Variants in EGFLAM observed in about 807,000 individuals in gnomAD.
EGFLAM encodes the protein EGF like, fibronectin type III and laminin G domains.
Under a neutral mutation model 113.1 loss-of-function variants are expected in EGFLAM, and 79 were observed. The observed-to-expected ratio is 0.70, with a 90% confidence interval of 0.58 to 0.84. EGFLAM has a LOEUF of 0.84. Among genes scored for constraint, EGFLAM ranks in the 40% least tolerant of loss-of-function variants. The probability of loss-of-function intolerance (pLI) is 0.00; values close to 1 mark genes in which losing one functional copy is unlikely to be tolerated. For missense variants in EGFLAM, 1,265 were observed against 1,291.6 expected, an observed-to-expected ratio of 0.98 and a Z score of 0.32; for synonymous variants, 504 against 487.6, an observed-to-expected ratio of 1.03 and a Z score of -0.44.
At chr5:38,272,842 A>C (rs1757798055) in intron 1 of EGFLAM, among the ~76,000 whole-genome samples, 1 of 152,108 alleles carries the variant, frequency 6.6e-6, no homozygotes, top group South Asian at 2.1e-4. Context: ...AAAATGAACT[A>C]AATTGTTTTG....
At chr5:38,302,774 G>A (rs1000534184) in intron 1 of EGFLAM, among the ~76,000 whole-genome samples, 5 of 150,518 alleles carry the variant, frequency 3.3e-5, no homozygotes, top group African/African-American at 1.2e-4. Flanking sequence ...TAGCTGTAAA[G>A]TAGACCATAT....
At chr5:38,405,976 T>C in intron 6 of EGFLAM, 150 bp from the exon 7 acceptor site, 1 of 682,512 alleles carries the variant, frequency 1.5e-6, no homozygotes, top group Non-Finnish European at 2.6e-6. Flanking sequence ...TTTTGGTCAT[T>C]GACGCTTCCT....
chr5:38,445,819 T>G, intron 17 of EGFLAM: 2 of 1,134,306 alleles, frequency 1.8e-6, no homozygotes, highest in Non-Finnish European at 2.6e-6. Flanking sequence ...CTACGCGTGG[T>G]GGGAAGCCTC....
Position 38,458,238 on chromosome 5 carries a change from G to A in EGFLAM, c.2688-73G>A, listed in dbSNP as rs76334448. On this transcript the variant is annotated intron_variant, in intron 19 of 21. Coordinates refer to ENST00000322350, the MANE Select transcript of EGFLAM (RefSeq NM_152403.4). ...GCAAAGAACTTTTGCCCTGAGAATC[G>A]TCTGTGAACCGTGTCTGCTTATGCC... 5.3e-5 allele frequency: 74 copies of A among 1,390,904 alleles called. No individual in the cohort carries two copies. In the African/African-American group the frequency reaches 7.6e-4, roughly 14 times the overall value. 86.2% of individuals were successfully genotyped at this position (1,390,904 alleles called of 1,614,324 possible). A position where few individuals can be genotyped will look rare whatever the true frequency, so the allele number is the denominator to read the frequency against.
At chr5:38,290,440 G>A (rs1433929703) in intron 1 of EGFLAM, among the ~76,000 whole-genome samples, 1 of 152,132 alleles carries the variant, frequency 6.6e-6, no homozygotes, top group Non-Finnish European at 1.5e-5. Flanking sequence ...ACCCCGACAG[G>A]ATATGAGCAT....
At chr5:38,426,150 T>C (rs1489653928) in intron 13 of EGFLAM, among the ~76,000 whole-genome samples, 1 of 151,626 alleles carries the variant, frequency 6.6e-6, no homozygotes, top group Non-Finnish European at 1.5e-5. Flanking sequence ...ACGTTAACAA[T>C]GTGATGGGAC....
At chr5:38,272,574 A>G (rs144894957) in intron 1 of EGFLAM, among the ~76,000 whole-genome samples, 43 of 152,342 alleles carry the variant, frequency 2.8e-4, no homozygotes, top group African/African-American at 1.0e-3. Flanking sequence ...CTTGCTTATG[A>G]AGATCAATTC....
At chr5:38,393,855 C>T (rs1740881314) in intron 6 of EGFLAM, among the ~76,000 whole-genome samples, 1 of 152,216 alleles carries the variant, frequency 6.6e-6, no homozygotes, top group South Asian at 2.1e-4. Flanking sequence ...GGTGGCGGCC[C>T]CGGCCCTCTC....
chr5:38,260,408 T>C (rs187161240), intron 1 of EGFLAM, among the ~76,000 whole-genome samples: 5 of 152,376 alleles, frequency 3.3e-5, no homozygotes, highest in Admixed American at 3.3e-4. Context: ...AAGCATTTTA[T>C]AAAAACCTGT....
chr5:38,301,271 G>A (rs1026888197), intron 1 of EGFLAM, among the ~76,000 whole-genome samples: 18 of 152,166 alleles, frequency 1.2e-4, no homozygotes, highest in Non-Finnish European at 2.1e-4. Flanking sequence ...GGTTTCCCAA[G>A]GAAACCTGGA....
intron 1 of EGFLAM, among the ~76,000 whole-genome samples, chr5:38,320,563 G>A (rs1275326063): frequency 2.6e-5 from 4 of 152,096 alleles, no homozygotes; most frequent in Non-Finnish European, 5.9e-5. Flanking sequence ...TGAGGTGGGA[G>A]GATGTGTGTG....
intron 13 of EGFLAM, 71 bp from the exon 14 acceptor site, chr5:38,426,938 C>T (rs1026587742): frequency 3.0e-5 from 48 of 1,574,364 alleles, no homozygotes; most frequent in Admixed American, 8.6e-5. Context: ...AGGGAAAGAA[C>T]ACAGCTATGG....
chr5:38,315,980 G>A (rs1227126034), intron 1 of EGFLAM, among the ~76,000 whole-genome samples: 1 of 151,548 alleles, frequency 6.6e-6, no homozygotes, highest in African/African-American at 2.4e-5. Flanking sequence ...AGGAGGTTGA[G>A]GCAGGATAAT....
chr5:38,459,741 C>T (rs1743211286), intron 20 of EGFLAM, among the ~76,000 whole-genome samples: 1 of 151,386 alleles, frequency 6.6e-6, no homozygotes, highest in South Asian at 2.1e-4. Flanking sequence ...ACTTGCTGGG[C>T]CCCCAACCCC....
intron 6 of EGFLAM, among the ~76,000 whole-genome samples, chr5:38,393,428 G>A (rs1195194418): frequency 6.6e-6 from 1 of 152,116 alleles, no homozygotes; most frequent in Non-Finnish European, 1.5e-5. Flanking sequence ...GGGAACTGGA[G>A]TGGTTCGTTT....
intron 1 of EGFLAM, among the ~76,000 whole-genome samples, chr5:38,291,364 G>A (rs2111793859): frequency 6.6e-6 from 1 of 152,288 alleles, no homozygotes; most frequent in African/African-American, 2.4e-5. Flanking sequence ...GTCTGGATTT[G>A]GGGAGGAGAA....
intron 10 of EGFLAM, among the ~76,000 whole-genome samples, chr5:38,412,022 ACTCCTAACCTCAGGTGATCCG>A (rs1349907062): frequency 6.6e-6 from 1 of 151,966 alleles, no homozygotes; most frequent in Non-Finnish European, 1.5e-5. Context: ...CTGGTCTCGA[ACTCCTAACCTCAGGTGATCCG>A]CCCGCCTTCG....
intron 1 of EGFLAM, among the ~76,000 whole-genome samples, chr5:38,275,845 G>A (rs13166906): frequency 0.41 from 62,894 of 152,026 alleles, 13,549 homozygotes; most frequent in Middle Eastern, 0.56. Context: ...CAAATTTAAG[G>A]AGATTGAAAT....
rs559610499 is a variant in EGFLAM at position 38,314,793 on chromosome 5, G to A, written c.98-22727G>A. The stretch of plus-strand genomic sequence containing the variant: ...TATGACTGTCTCTGGTCAATGAAAG[G>A]TGAGTGGTAGTCACTTGTGTCACTA... On this transcript the variant is annotated intron_variant, in intron 1 of 21. Transcript: ENST00000322350. Among the ~76,000 whole-genome samples, 44 of 152,352 alleles carry A rather than the reference G, an allele frequency of 2.9e-4. No homozygotes were observed. The South Asian group carries it at 4.3e-3, about 15-fold the overall frequency.
Sources: gnomAD v4.1 joint callset for allele counts (sites outside exome capture counted in the v4.1 genomes callset) on GRCh38, gnomAD v4.1.1 for gene constraint, MANE v1.5 for transcripts, NCBI Gene and HGNC (gene_info 2026-07-23, HGNC 2026-07-21) for gene names.